CDH13: variants seen among roughly 807,000 people sequenced by gnomAD.
The protein encoded by CDH13 is cadherin 13, also known as cadherin-13.
CDH13 carries 24 observed loss-of-function variants against 63.8 expected under a neutral mutation model. That is an observed-to-expected ratio of 0.38 (90% CI 0.27 to 0.53). The LOEUF (loss-of-function observed/expected upper bound fraction) is 0.53. Among genes scored for constraint, CDH13 ranks in the 20% least tolerant of loss-of-function variants. The pLI is 0.85. For synonymous variants in CDH13, 503 were observed against 355.3 expected (o/e 1.42, Z -4.67); for missense variants, 1,049 against 903.1 (o/e 1.16, Z -2.07).
At chr16:83,445,263 A>C (rs1166903388) in intron 6 of CDH13, among the ~76,000 whole-genome samples, 1 of 139,180 alleles carries the variant, frequency 7.2e-6, no homozygotes, top group Non-Finnish European at 1.7e-5. Flanking sequence ...TTTATAATTT[A>C]TAAAAGCTTT....
At chr16:82,814,850 G>A (rs897023400) in intron 1 of CDH13, among the ~76,000 whole-genome samples, 16 of 152,032 alleles carry the variant, frequency 1.1e-4, no homozygotes, top group African/African-American at 2.9e-4. Flanking sequence ...AGGACCTGTG[G>A]GATGTGGCTT....
intron 5 of CDH13, among the ~76,000 whole-genome samples, chr16:83,259,982 A>C (rs995698750): frequency 1.2e-4 from 18 of 152,094 alleles, no homozygotes; most frequent in African/African-American, 4.1e-4. Flanking sequence ...AATGCTTCTT[A>C]CGTGGCTCTC....
At chr16:82,993,082 C>G (rs752522749) in intron 2 of CDH13, among the ~76,000 whole-genome samples, 2 of 152,188 alleles carry the variant, frequency 1.3e-5, no homozygotes, top group Non-Finnish European at 2.9e-5. Context: ...GCCCTATCTT[C>G]TGATTCCACC....
At chr16:83,345,711 A>G (rs1428481792) in intron 6 of CDH13, among the ~76,000 whole-genome samples, 5 of 152,236 alleles carry the variant, frequency 3.3e-5, no homozygotes, top group African/African-American at 1.2e-4. Flanking sequence ...ACTCCTAAGT[A>G]TAATGCTTGA....
intron 1 of CDH13, among the ~76,000 whole-genome samples, chr16:82,684,788 C>T (rs543131435): frequency 1.3e-5 from 2 of 152,312 alleles, no homozygotes; most frequent in Admixed American, 6.5e-5. Context: ...GACTTGCAGG[C>T]ATAGCCTGAG....
intron 6 of CDH13, among the ~76,000 whole-genome samples, chr16:83,402,503 C>T (rs557400981): frequency 1.3e-5 from 2 of 152,330 alleles, no homozygotes; most frequent in East Asian, 1.9e-4. Context: ...TGAAAATTAA[C>T]ATATATTTTG....
At chr16:82,973,924 G>A (rs956354887) in intron 2 of CDH13, among the ~76,000 whole-genome samples, 1 of 151,830 alleles carries the variant, frequency 6.6e-6, no homozygotes, top group Non-Finnish European at 1.5e-5. Context: ...AAGCATTTTT[G>A]GTTTTTGGTT....
chr16:83,523,103 T>G (rs2074878833), intron 7 of CDH13, among the ~76,000 whole-genome samples: 1 of 152,196 alleles, frequency 6.6e-6, no homozygotes, highest in Non-Finnish European at 1.5e-5. Context: ...CTGGTACCCC[T>G]TTTATAGGTG....
intron 7 of CDH13, among the ~76,000 whole-genome samples, chr16:83,592,443 C>T (rs890843784): frequency 6.6e-6 from 1 of 152,314 alleles, no homozygotes; most frequent in Non-Finnish European, 1.5e-5. Context: ...ATAAATGTTT[C>T]AGTGAACTCA....
intron 1 of CDH13, among the ~76,000 whole-genome samples, chr16:82,856,260 C>G (rs571919106): frequency 1.3e-5 from 2 of 151,220 alleles, no homozygotes; most frequent in Admixed American, 6.6e-5. Context: ...CCTGTAGTCC[C>G]ACTTACTCGG....
chr16:83,510,950 T>C (rs1188863986), intron 7 of CDH13, among the ~76,000 whole-genome samples: 1 of 152,260 alleles, frequency 6.6e-6, no homozygotes, highest in African/African-American at 2.4e-5. Flanking sequence ...AAGACTACCA[T>C]GCCTATTCTG....
chr16:83,059,626 A>C (rs149603244), intron 3 of CDH13, among the ~76,000 whole-genome samples: 1 of 152,094 alleles, frequency 6.6e-6, no homozygotes, highest in African/African-American at 2.4e-5. Context: ...AGGCTGTTGC[A>C]TGACAAGTCA....
chr16:83,379,669 G>T (rs930662956), intron 6 of CDH13, among the ~76,000 whole-genome samples: 2 of 152,036 alleles, frequency 1.3e-5, no homozygotes, highest in Non-Finnish European at 2.9e-5. Context: ...CAGACTTGAA[G>T]AAGAAAACCA....
At chr16:83,146,318 G>A (rs2036749499) in intron 4 of CDH13, among the ~76,000 whole-genome samples, 1 of 152,254 alleles carries the variant, frequency 6.6e-6, no homozygotes, top group African/African-American at 2.4e-5. Context: ...AAGACATTAT[G>A]TCTAGATAAC....
chr16:83,511,314 T>C (rs2074558872), intron 7 of CDH13, among the ~76,000 whole-genome samples: 1 of 152,064 alleles, frequency 6.6e-6, no homozygotes, highest in African/African-American at 2.4e-5. Context: ...ATACAAAATT[T>C]AGCCAGGTGT....
intron 2 of CDH13, among the ~76,000 whole-genome samples, chr16:82,881,211 C>A (rs774973723): frequency 6.6e-6 from 1 of 152,218 alleles, no homozygotes; most frequent in South Asian, 2.1e-4. Flanking sequence ...GGCTTCCGTT[C>A]GTGTCTCTGG....
intron 5 of CDH13, among the ~76,000 whole-genome samples, chr16:83,233,106 C>T (rs2040049492): frequency 6.6e-6 from 1 of 152,162 alleles, no homozygotes; most frequent in African/African-American, 2.4e-5. Context: ...GTCTGCATCC[C>T]ACTTCCTAAG....
intron 6 of CDH13, among the ~76,000 whole-genome samples, chr16:83,428,035 G>T (rs570511778): frequency 2.6e-5 from 4 of 152,062 alleles, no homozygotes; most frequent in Non-Finnish European, 5.9e-5. Flanking sequence ...TTAGAGAATC[G>T]GTCTCTGGTA....
At chr16:83,579,446 T>C (rs1053935308) in intron 7 of CDH13, among the ~76,000 whole-genome samples, 3 of 152,026 alleles carry the variant, frequency 2.0e-5, no homozygotes, top group Non-Finnish European at 4.4e-5. Flanking sequence ...GGGAAGTAGG[T>C]ATGTCTTACA....
Sources: gnomAD v4.1 joint callset for allele counts (sites outside exome capture counted in the v4.1 genomes callset) on GRCh38, gnomAD v4.1.1 for gene constraint, MANE v1.5 for transcripts, NCBI Gene and HGNC (gene_info 2026-07-23, HGNC 2026-07-21) for gene names.